LINGO1: variants seen among roughly 807,000 people sequenced by gnomAD.
The protein encoded by LINGO1 is leucine-rich repeat and immunoglobulin-like domain-containing nogo receptor-interacting protein 1.
A neutral mutation model predicts 37.3 loss-of-function variants in LINGO1; 11 were observed. The ratio of observed to expected loss-of-function variants is 0.29; its 90% CI spans 0.19 to 0.49. The LOEUF is 0.49. Among genes scored for constraint, LINGO1 ranks in the 20% least tolerant of loss-of-function variants. LINGO1 has a pLI of 0.99. For synonymous variants in LINGO1, 387 were observed against 403.0 expected, an observed-to-expected ratio of 0.96 and a Z score of 0.48; for missense variants, 585 against 878.2, an observed-to-expected ratio of 0.67 and a Z score of 4.22.
intron 1 of LINGO1, among the ~76,000 whole-genome samples, chr15:77,617,335 T>G (rs1402278734): frequency 6.6e-6 from 1 of 151,934 alleles, no homozygotes; most frequent in African/African-American, 2.4e-5. Flanking sequence ...GTAGGGGGGT[T>G]GGGGGAGGGT....
chr15:77,730,024 C>A (rs1424985971), intron 2 of LINGO1, among the ~76,000 whole-genome samples: 1 of 152,116 alleles, frequency 6.6e-6, no homozygotes, highest in Non-Finnish European at 1.5e-5. Flanking sequence ...CATTTACCTG[C>A]TCCCCAGGGA....
chr15:77,818,716 G>A (rs2077068977), intron 1 of LINGO1, among the ~76,000 whole-genome samples: 1 of 152,124 alleles, frequency 6.6e-6, no homozygotes, highest in African/African-American at 2.4e-5. Context: ...CCCTGGGCCT[G>A]GGAGCTGTCC....
chr15:77,724,467 T>C (rs1321277749), intron 2 of LINGO1, among the ~76,000 whole-genome samples: 2 of 152,152 alleles, frequency 1.3e-5, no homozygotes, highest in Non-Finnish European at 2.9e-5. Flanking sequence ...GTCGAACACA[T>C]TCCCCCAGCT....
upstream of LINGO1, among the ~76,000 whole-genome samples, chr15:77,697,820 C>G (rs1282838660): frequency 2.0e-5 from 3 of 152,234 alleles, no homozygotes; most frequent in South Asian, 6.2e-4. Flanking sequence ...TAAAGGAAAA[C>G]GAGTTGGGCT....
In LINGO1 at chr15:77,615,048, C is replaced by G; in HGVS notation, c.859G>C (p.Val287Leu). 6.2e-7 allele frequency: 1 copy of G among 1,613,972 alleles called. No homozygotes were observed. The highest frequency in any genetic ancestry group is 8.5e-7 in the Non-Finnish European group (1 of 1,179,896). ...GAGAGGTTGAGGAAGCGGAGATAGA[C>G]TAGGTGGCGGACGGCCAGGTAGGGC... ...AVPYLAVRHL[V>L]YLRFLNLSYN... Residue 287 changes from valine (V) to leucine (L), a missense_variant, in exon 2 of 2, where the codon GTC becomes CTC. Transcript: ENST00000355300.
At chr15:77,705,208 A>ACACACACACACACACACACACAC (rs2075837323) in intron 2 of LINGO1, among the ~76,000 whole-genome samples, 1 of 55,974 alleles carries the variant, frequency 1.8e-5, no homozygotes, top group African/African-American at 5.6e-5. Context: ...CACACACACC[A>ACACACACACACACACACACACAC]GTCCACTTCC....
intron 1 of LINGO1, among the ~76,000 whole-genome samples, chr15:77,758,197 G>A (rs2076439646): frequency 6.6e-6 from 1 of 152,154 alleles, no homozygotes; most frequent in African/African-American, 2.4e-5. Flanking sequence ...AGGAAAAGGG[G>A]TCTTAGCCAG....
At chr15:77,714,403 C>A (rs36058724) in intron 2 of LINGO1, among the ~76,000 whole-genome samples, 65,585 of 151,888 alleles carry the variant, frequency 0.43, 15,288 homozygotes, top group Admixed American at 0.58. Context: ...AGCTCATTCA[C>A]GGCCCCCTGC....
intron 1 of LINGO1, among the ~76,000 whole-genome samples, chr15:77,816,600 C>G (rs1334258647): frequency 6.6e-6 from 1 of 152,174 alleles, no homozygotes; most frequent in Non-Finnish European, 1.5e-5. Flanking sequence ...GGCACTGCTC[C>G]CTCCCAGTCA....
At chr15:77,699,999 C>G (rs1296444377), upstream of LINGO1, among the ~76,000 whole-genome samples, 1 of 152,204 alleles carries the variant, frequency 6.6e-6, no homozygotes, top group Non-Finnish European at 1.5e-5. Context: ...AGGAAGGAGT[C>G]AGCAGAGGCC....
chr15:77,754,250 GA>G (rs1182411459), intron 1 of LINGO1, among the ~76,000 whole-genome samples: 2 of 148,920 alleles, frequency 1.3e-5, no homozygotes, highest in South Asian at 2.2e-4. Context: ...GGGAGGGAGT[GA>G]GGGGGGAAGG....
intron 1 of LINGO1, among the ~76,000 whole-genome samples, chr15:77,748,627 C>T (rs1354964586): frequency 6.6e-6 from 1 of 152,294 alleles, no homozygotes; most frequent in East Asian, 1.9e-4. Context: ...CTTTTCCTCC[C>T]CACAACTCTG....
intron 1 of LINGO1, among the ~76,000 whole-genome samples, chr15:77,692,134 C>T (rs2075614844): frequency 6.6e-6 from 1 of 152,226 alleles, no homozygotes; most frequent in Non-Finnish European, 1.5e-5. Flanking sequence ...ACTTACTCAT[C>T]TTACGTAAAC....
At chr15:77,798,484 C>A (rs568193587) in intron 1 of LINGO1, among the ~76,000 whole-genome samples, 8 of 152,370 alleles carry the variant, frequency 5.3e-5, no homozygotes, top group Admixed American at 3.9e-4. Flanking sequence ...CCCTTCCCCC[C>A]AAACCTTCCA....
At chr15:77,683,624 T>A (rs1240738318) in intron 2 of LINGO1, among the ~76,000 whole-genome samples, 1 of 152,178 alleles carries the variant, frequency 6.6e-6, no homozygotes, top group Non-Finnish European at 1.5e-5. Context: ...GTAATGTGCA[T>A]AATATGATTC....
At chr15:77,743,309 G>A (rs2076283241) in intron 1 of LINGO1, among the ~76,000 whole-genome samples, 1 of 152,158 alleles carries the variant, frequency 6.6e-6, no homozygotes, top group Admixed American at 6.5e-5. Flanking sequence ...CAGGGGCAGG[G>A]CAGAGGGGAC....
chr15:77,712,866 C>A (rs908516103), intron 2 of LINGO1, among the ~76,000 whole-genome samples: 1 of 152,136 alleles, frequency 6.6e-6, no homozygotes, highest in African/African-American at 2.4e-5. Flanking sequence ...CTGAACCCAC[C>A]CCTCATCCTC....
rs377260390 is a variant in LINGO1, at chr15:77,614,522, C to A, written c.1385G>T (p.Arg462Leu). Residue 462 changes from arginine (R) to leucine (L), a missense_variant, in exon 2 of 2, where the codon CGA becomes CTA. Arg to Leu is a moderately radical substitution (Grantham distance 102). Coordinates refer to ENST00000355300, the MANE Select transcript of LINGO1 (RefSeq NM_032808.7). ...GCTCTTGGCTGAGACCAGGTGCTTT[C>A]GGGGTGAGAGCCAGAGGATGGCGGG... The part of the protein sequence containing the change: ...PPPAILWLSP[R>L]KHLVSAKSNG... 6 of 1,610,782 alleles carry A rather than the reference C, an allele frequency of 3.7e-6. No homozygotes were observed. Among genetic ancestry groups the A allele is most frequent in the Non-Finnish European group, 5.1e-6 (6 of 1,179,624 alleles).
intron 2 of LINGO1, among the ~76,000 whole-genome samples, chr15:77,713,277 C>T (rs2075942825): frequency 7.1e-6 from 1 of 141,162 alleles, no homozygotes; most frequent in Admixed American, 7.5e-5. Flanking sequence ...AGGGTTTCAC[C>T]ATGTTGCCTA....
Sources: gnomAD v4.1 joint callset for allele counts (sites outside exome capture counted in the v4.1 genomes callset) on GRCh38, gnomAD v4.1.1 for gene constraint, MANE v1.5 for transcripts, NCBI Gene and HGNC (gene_info 2026-07-23, HGNC 2026-07-21) for gene names.